Variants in GNPTAB observed in about 807,000 individuals in gnomAD.
The protein encoded by GNPTAB is N-acetylglucosamine-1-phosphate transferase subunits alpha and beta.
In GNPTAB, 92 loss-of-function variants were observed where a neutral mutation model predicts 136.6. The ratio of observed to expected loss-of-function variants is 0.67; its 90% CI spans 0.57 to 0.80. GNPTAB has a LOEUF of 0.80. GNPTAB is among the 30% of genes least tolerant of loss of function. The pLI is 0.00. For missense variants in GNPTAB, 1,343 were observed against 1,501.8 expected (o/e 0.89, Z 1.75); for synonymous variants, 512 against 535.1 (o/e 0.96, Z 0.60).
rs1406898542 is a variant in GNPTAB, at chr12:101,764,643, T to G, written c.2274A>C (p.Thr758=). 2.5e-6 allele frequency: 4 copies of G among 1,613,700 alleles called. No homozygotes were observed. Among genetic ancestry groups the G allele is most frequent in the Non-Finnish European group, 2.5e-6 (3 of 1,179,962 alleles). ...IKNQAIITDE[T]NDSLVAPQEK... ...CCTGTGGAGCCACCAAACTGTCATT[T>G]GTTTCATCTGTTATTATAGCTTGAT... is the stretch of plus-strand genomic sequence containing the variant. Residue 758 remains threonine, a synonymous_variant, in exon 13 of 21, where the codon ACA becomes ACC. Coordinates refer to ENST00000299314, the MANE Select transcript of GNPTAB (RefSeq NM_024312.5).
chr12:101,828,707 A>C (rs1190577857), intron 1 of GNPTAB, among the ~76,000 whole-genome samples: 3 of 152,144 alleles, frequency 2.0e-5, no homozygotes, highest in African/African-American at 7.2e-5. Context: ...AAACAAAAAA[A>C]AAAGCACAGC....
At position 101,770,977 on chromosome 12, in the gene GNPTAB, G is replaced by C. The variant is rs553329292; in HGVS notation, c.933+19C>G. ...TTAACCTTTGATTTGGGCTGTAAAAGCTTCTGTGCATCCCTTACCTGGCTG... is the reference window on the plus strand; with the variant it reads ...TTAACCTTTGATTTGGGCTGTAAAACCTTCTGTGCATCCCTTACCTGGCTG... On this transcript the variant is annotated intron_variant, in intron 8 of 20. Transcript: ENST00000299314. 34 of 1,611,716 alleles carry C rather than the reference G, an allele frequency of 2.1e-5. No homozygotes were observed. In the South Asian group the frequency reaches 3.5e-4, roughly 17 times the overall value.
chr12:101,767,151 C>T (rs936743630), intron 11 of GNPTAB, among the ~76,000 whole-genome samples: 1 of 152,162 alleles, frequency 6.6e-6, no homozygotes, highest in Non-Finnish European at 1.5e-5. Context: ...AAATCCATTT[C>T]TTCATATGGA....
intron 14 of GNPTAB, 93 bp from the exon 15 acceptor site, chr12:101,761,439 G>A: frequency 7.0e-7 from 1 of 1,425,522 alleles, no homozygotes; most frequent in Non-Finnish European, 9.9e-7. Flanking sequence ...TTCTCACTTA[G>A]ATAATACCTT....
intron 20 of GNPTAB, among the ~76,000 whole-genome samples, chr12:101,748,120 G>T: frequency 6.6e-6 from 1 of 152,142 alleles, no homozygotes; most frequent in East Asian, 1.9e-4. Context: ...ACTTTTACCT[G>T]CCAGGAACAA....
chr12:101,823,528 T>G (rs1019716369), intron 1 of GNPTAB, among the ~76,000 whole-genome samples: 29 of 148,938 alleles, frequency 1.9e-4, no homozygotes, highest in Admixed American at 2.7e-4. Flanking sequence ...GAGAATCGCT[T>G]GAACCCAGGA....
chr12:101,787,237 C>T (rs987822573), intron 4 of GNPTAB, among the ~76,000 whole-genome samples: 10 of 152,162 alleles, frequency 6.6e-5, no homozygotes, highest in African/African-American at 2.2e-4. Context: ...TAGTGAAATA[C>T]AGAAATGCCC....
intron 1 of GNPTAB, among the ~76,000 whole-genome samples, chr12:101,829,624 C>T (rs1294286812): frequency 6.6e-6 from 1 of 152,150 alleles, no homozygotes; most frequent in East Asian, 1.9e-4. Context: ...CACCTAACTA[C>T]ACACAGATAC....
intron 2 of GNPTAB, among the ~76,000 whole-genome samples, chr12:101,792,366 C>T (rs1869043179): frequency 6.6e-6 from 1 of 152,164 alleles, no homozygotes; most frequent in Non-Finnish European, 1.5e-5. Flanking sequence ...AGTTCCAGAG[C>T]TTCATCTGGA....
chr12:101,794,866 A>G (rs1869190802), intron 2 of GNPTAB, among the ~76,000 whole-genome samples: 1 of 152,148 alleles, frequency 6.6e-6, no homozygotes, highest in Admixed American at 6.5e-5. Context: ...CAGGAGTTTG[A>G]GACCAGCCTG....
chr12:101,761,512 G>A (rs1236501141), intron 14 of GNPTAB, 52 bp downstream of exon 14: 1 of 1,528,792 alleles, frequency 6.5e-7, no homozygotes, highest in Non-Finnish European at 9.1e-7. Context: ...CACATTTCAA[G>A]TAGCCTTAGT....
chr12:101,776,406 AT>A (rs1953263333), intron 7 of GNPTAB, among the ~76,000 whole-genome samples: 1 of 152,228 alleles, frequency 6.6e-6, no homozygotes, highest in South Asian at 2.1e-4. Flanking sequence ...TAATCAGATT[AT>A]TAAAGGACCC....
intron 13 of GNPTAB, among the ~76,000 whole-genome samples, chr12:101,763,706 G>C (rs1042507884): frequency 6.6e-6 from 1 of 152,184 alleles, no homozygotes; most frequent in Admixed American, 6.5e-5. Context: ...GGTTAGCACC[G>C]TGAGAGCACT....
At chr12:101,780,321 C>T (rs1953322982) in intron 6 of GNPTAB, 35 bp from the exon 7 acceptor site, 1 of 1,611,066 alleles carries the variant, frequency 6.2e-7, no homozygotes, top group Non-Finnish European at 8.5e-7. Context: ...TCATTTTCCA[C>T]ATCATGAGGC....
At chr12:101,801,558 A>AAAAC (rs1172604753) in intron 1 of GNPTAB, among the ~76,000 whole-genome samples, 1 of 149,074 alleles carries the variant, frequency 6.7e-6, no homozygotes, top group Non-Finnish European at 1.5e-5. Context: ...AAAAAAAAAA[A>AAAAC]AAAAAAAAAC....
intron 1 of GNPTAB, among the ~76,000 whole-genome samples, chr12:101,797,861 T>TC (rs1869388310): frequency 6.6e-6 from 1 of 152,170 alleles, no homozygotes; most frequent in East Asian, 1.9e-4. Context: ...CTTGCAGACA[T>TC]CCAATCTCTA....
intron 1 of GNPTAB, among the ~76,000 whole-genome samples, chr12:101,827,426 A>G (rs1030011636): frequency 1.8e-4 from 28 of 151,432 alleles, no homozygotes; most frequent in South Asian, 4.2e-4. Flanking sequence ...TTTTGTAGAG[A>G]CAGGGTCTCC....
At chr12:101,819,942 AC>A (rs1436473072) in intron 1 of GNPTAB, among the ~76,000 whole-genome samples, 1 of 152,202 alleles carries the variant, frequency 6.6e-6, no homozygotes, top group Non-Finnish European at 1.5e-5. Context: ...AACACAGCAC[AC>A]CAAGGTCAAG....
At chr12:101,794,763 T>G (rs933722542) in intron 2 of GNPTAB, among the ~76,000 whole-genome samples, 4 of 152,088 alleles carry the variant, frequency 2.6e-5, no homozygotes, top group Non-Finnish European at 5.9e-5. Flanking sequence ...ATAAGCTAGT[T>G]TTCTTTCTAA....
Sources: allele counts gnomAD v4.1 joint callset (sites outside exome capture counted in the v4.1 genomes callset), GRCh38; gene constraint gnomAD v4.1.1; transcripts MANE v1.5; gene names NCBI Gene and HGNC (gene_info 2026-07-23, HGNC 2026-07-21).